The following MORC1 variants were observed in gnomAD, a reference collection of about 807,000 sequenced individuals.
MORC1 encodes the protein MORC family CW-type zinc finger 1, also known as MORC family CW-type zinc finger protein 1.
MORC1 carries 59 observed loss-of-function variants against 134.9 expected under a neutral mutation model. The ratio of observed to expected loss-of-function variants is 0.44; its 90% CI spans 0.35 to 0.54. The LOEUF is 0.54. Ranked by LOEUF, MORC1 falls within the 20% of genes least tolerant of loss-of-function variation. The pLI is 0.00. For missense variants in MORC1, 947 were observed against 1,134.5 expected, an observed-to-expected ratio of 0.83 and a Z score of 2.37; for synonymous variants, 395 against 391.7, an observed-to-expected ratio of 1.01 and a Z score of -0.10.
At chr3:109,043,075 A>T (rs138338007) in intron 14 of MORC1, among the ~76,000 whole-genome samples, 6 of 151,596 alleles carry the variant, frequency 4.0e-5, no homozygotes, top group Non-Finnish European at 8.8e-5. Context: ...CAGGGCCTTG[A>T]AGAGAAATGT....
At chr3:109,007,154 G>GTAA in intron 17 of MORC1, 63 bp from the exon 18 acceptor site, 1 of 1,269,674 alleles carries the variant, frequency 7.9e-7, no homozygotes. Context: ...CTGGCATAGG[G>GTAA]TAATAATTCA....
intron 26 of MORC1, among the ~76,000 whole-genome samples, chr3:108,964,361 T>C (rs752754051): frequency 1.3e-5 from 2 of 152,216 alleles, no homozygotes; most frequent in African/African-American, 2.4e-5. Flanking sequence ...AAATCCCATT[T>C]TGATAAGCAT....
At position 109,063,232 on chromosome 3, in the gene MORC1, C is replaced by A. The variant is rs1363293299; in HGVS notation, c.816-1G>T. The A allele has an allele frequency of 6.4e-7, 1 of 1,555,710 alleles. No individual in the cohort carries two copies. The highest frequency in any genetic ancestry group is 1.4e-5 in the African/African-American group (1 of 73,698). On this transcript the variant is annotated splice_acceptor_variant, in intron 9 of 27. Transcript: ENST00000232603. LOFTEE classifies it high-confidence loss of function. ...AGAAGATGTGACATAAAGATACTTTCTGGAAAGAAACAAAAAGAACATAAT... is the reference window on the plus strand; with the variant it reads ...AGAAGATGTGACATAAAGATACTTTATGGAAAGAAACAAAAAGAACATAAT...
chr3:109,052,456 G>C (rs754578103), intron 14 of MORC1, among the ~76,000 whole-genome samples: 2 of 152,126 alleles, frequency 1.3e-5, no homozygotes, highest in Non-Finnish European at 2.9e-5. Flanking sequence ...ACAAGTTCCA[G>C]GTGATGTTGA....
Position 109,095,133 on chromosome 3 carries a change from T to C in MORC1, c.424-65A>G, listed in dbSNP as rs565167992. 1.6e-5 allele frequency: 23 copies of C among 1,417,672 alleles called. No homozygotes were observed. In the East Asian group the frequency reaches 5.3e-4, roughly 33 times the overall value. The allele number at this position is 1,417,672 out of a possible 1,614,324, so 87.8% of individuals were successfully genotyped here. A position where few individuals can be genotyped will look rare whatever the true frequency, so the allele number is the denominator to read the frequency against. On this transcript the variant is annotated intron_variant, in intron 6 of 27. Coordinates refer to ENST00000232603, the MANE Select transcript of MORC1 (RefSeq NM_014429.4). The stretch of plus-strand genomic sequence containing the variant: ...CAAAAAACATTATTCTTTTGTCTTA[T>C]CTATTTCATTCCACTCTTCATCTAG...
At chr3:109,105,437 C>A (rs1478207198) in intron 3 of MORC1, among the ~76,000 whole-genome samples, 3 of 152,126 alleles carry the variant, frequency 2.0e-5, no homozygotes, top group Non-Finnish European at 4.4e-5. Context: ...GCAAGAGAAT[C>A]TCTTGAACCC....
chr3:109,117,970 A>G, intron 1 of MORC1, 25 bp downstream of exon 1: 1 of 1,565,876 alleles, frequency 6.4e-7, no homozygotes, highest in Non-Finnish European at 8.7e-7. Flanking sequence ...ACCCTCCCCG[A>G]CCCCGACCCC....
intron 16 of MORC1, among the ~76,000 whole-genome samples, chr3:109,031,802 A>C (rs1949247497): frequency 6.6e-6 from 1 of 152,304 alleles, no homozygotes; most frequent in Admixed American, 6.5e-5. Flanking sequence ...TTTTGCATTT[A>C]TCTACTTATT....
chr3:109,041,131 G>A (rs1314404486), intron 14 of MORC1, among the ~76,000 whole-genome samples: 1 of 150,208 alleles, frequency 6.7e-6, no homozygotes, highest in Non-Finnish European at 1.5e-5. Context: ...CCAACATGGT[G>A]AAACCCCGTC....
chr3:109,051,978 C>T (rs1949841899), intron 14 of MORC1, among the ~76,000 whole-genome samples: 1 of 152,126 alleles, frequency 6.6e-6, no homozygotes, highest in East Asian at 1.9e-4. Flanking sequence ...ACCTTTAAAT[C>T]TAATGCCTAC....
chr3:108,981,434 G>T (rs1303104994), intron 23 of MORC1, among the ~76,000 whole-genome samples: 2 of 152,056 alleles, frequency 1.3e-5, no homozygotes, highest in Non-Finnish European at 2.9e-5. Flanking sequence ...GCCTGTTAAA[G>T]AATATTTACA....
chr3:109,079,844 C>T (rs546207053), intron 8 of MORC1, among the ~76,000 whole-genome samples: 15 of 151,474 alleles, frequency 9.9e-5, no homozygotes, highest in Admixed American at 8.5e-4. Flanking sequence ...AGAAAAGCAA[C>T]GGAGGAAAAA....
intron 16 of MORC1, among the ~76,000 whole-genome samples, chr3:109,028,226 C>G (rs1222754898): frequency 7.0e-6 from 1 of 142,856 alleles, no homozygotes; most frequent in African/African-American, 2.6e-5. Context: ...TATCTCATCA[C>G]TGCCATTTCC....
intron 3 of MORC1, 141 bp downstream of exon 3, chr3:109,110,607 AC>A: frequency 1.5e-6 from 1 of 681,314 alleles, no homozygotes; most frequent in South Asian, 2.0e-5. Flanking sequence ...CTGGCTCCCC[AC>A]AGGGTCACTG....
At position 109,055,018 on chromosome 3, in the gene MORC1, C is replaced by T. The variant is rs532575733; in HGVS notation, c.1176-136G>A. 41 of 766,532 alleles carry T rather than the reference C, an allele frequency of 5.3e-5. No homozygotes were observed. In the African/African-American group the frequency reaches 6.1e-4, roughly 11 times the overall value. 47.5% of individuals were successfully genotyped at this position (766,532 alleles called of 1,614,324 possible). Reference sequence around the variant, plus strand: ...TGATCTGGACCATGTCAAAGTTTAACAAGTTAGCTAATTATGTTATCATAA... The same window carrying T: ...TGATCTGGACCATGTCAAAGTTTAATAAGTTAGCTAATTATGTTATCATAA... On this transcript the variant is annotated intron_variant, in intron 13 of 27. Coordinates refer to ENST00000232603, the MANE Select transcript of MORC1 (RefSeq NM_014429.4).
intron 21 of MORC1, among the ~76,000 whole-genome samples, chr3:108,996,735 G>A (rs942202580): frequency 4.6e-5 from 7 of 152,168 alleles, no homozygotes; most frequent in African/African-American, 1.7e-4. Flanking sequence ...ATGCGGCCGG[G>A]AGTAGTGGCT....
intron 8 of MORC1, among the ~76,000 whole-genome samples, chr3:109,086,757 T>A (rs1194830590): frequency 6.6e-6 from 1 of 152,090 alleles, no homozygotes; most frequent in Non-Finnish European, 1.5e-5. Flanking sequence ...TCTGAAATGC[T>A]TGGGACAGGC....
At chr3:109,007,294 C>T (rs574418711) in intron 17 of MORC1, among the ~76,000 whole-genome samples, 227 of 152,284 alleles carry the variant, frequency 1.5e-3, no homozygotes, top group African/African-American at 4.1e-3. Context: ...GCAAGAAAAT[C>T]CAATGGTTTG....
chr3:109,081,836 A>G (rs1412200656), intron 8 of MORC1, among the ~76,000 whole-genome samples: 1 of 152,154 alleles, frequency 6.6e-6, no homozygotes, highest in Non-Finnish European at 1.5e-5. Flanking sequence ...CCTGACTCAC[A>G]GTTTCTATAC....
Sources: gnomAD v4.1 joint callset for allele counts (sites outside exome capture counted in the v4.1 genomes callset) on GRCh38, gnomAD v4.1.1 for gene constraint, MANE v1.5 for transcripts, NCBI Gene and HGNC (gene_info 2026-07-23, HGNC 2026-07-21) for gene names.